The following CNTN3 variants were observed in gnomAD, a reference collection of about 807,000 sequenced individuals.
The protein encoded by CNTN3 is contactin 3.
A neutral mutation model predicts 119.1 loss-of-function variants in CNTN3; 60 were observed. The ratio of observed to expected loss-of-function variants is 0.50; its 90% CI spans 0.41 to 0.62. The LOEUF (loss-of-function observed/expected upper bound fraction) is 0.62. Among genes scored for constraint, CNTN3 ranks in the 20% least tolerant of loss-of-function variants. The probability of loss-of-function intolerance (pLI) is 0.00; values close to 1 mark genes in which losing one functional copy is unlikely to be tolerated. For missense variants in CNTN3, 1,101 were observed against 1,242.4 expected, an observed-to-expected ratio of 0.89 and a Z score of 1.71; for synonymous variants, 450 against 438.7, an observed-to-expected ratio of 1.03 and a Z score of -0.32.
chr3:74,485,024 A>G (rs1379335960), intron 4 of CNTN3, among the ~76,000 whole-genome samples: 2 of 152,204 alleles, frequency 1.3e-5, no homozygotes, highest in African/African-American at 4.8e-5. Flanking sequence ...CAGTAATGCC[A>G]GGTAAAACAT....
chr3:74,287,065 T>A (rs1559682128), intron 19 of CNTN3, among the ~76,000 whole-genome samples: 2 of 152,214 alleles, frequency 1.3e-5, no homozygotes, highest in Non-Finnish European at 2.9e-5. Context: ...TTGAATGACC[T>A]GAACATAGTT....
intron 5 of CNTN3, among the ~76,000 whole-genome samples, chr3:74,418,788 T>A (rs752307875): frequency 6.6e-6 from 1 of 151,706 alleles, no homozygotes; most frequent in Non-Finnish European, 1.5e-5. Flanking sequence ...ATTTTAAATT[T>A]TTTTTATCTT....
intron 4 of CNTN3, among the ~76,000 whole-genome samples, chr3:74,477,337 A>AT (rs1183664550): frequency 6.6e-6 from 1 of 152,134 alleles, no homozygotes; most frequent in African/African-American, 2.4e-5. Flanking sequence ...CTAAAAAATT[A>AT]TTTTTTGGCA....
chr3:74,578,718 G>A (rs1331243132), intron 1 of CNTN3, among the ~76,000 whole-genome samples: 1 of 152,110 alleles, frequency 6.6e-6, no homozygotes, highest in South Asian at 2.1e-4. Flanking sequence ...AGTCTTAAAA[G>A]CTTTACTAGC....
intron 13 of CNTN3, among the ~76,000 whole-genome samples, chr3:74,306,382 T>A (rs1373105306): frequency 6.6e-6 from 1 of 152,144 alleles, no homozygotes; most frequent in Non-Finnish European, 1.5e-5. Flanking sequence ...AACACAACAC[T>A]AACCATCTTT....
intron 1 of CNTN3, among the ~76,000 whole-genome samples, chr3:74,588,524 T>C (rs887444112): frequency 2.0e-5 from 3 of 151,972 alleles, no homozygotes; most frequent in Admixed American, 1.3e-4. Context: ...AAAATGGCCA[T>C]ACTGCCCAAG....
chr3:74,438,458 T>C (rs945178878), intron 4 of CNTN3, among the ~76,000 whole-genome samples: 4 of 152,260 alleles, frequency 2.6e-5, no homozygotes, highest in Non-Finnish European at 4.4e-5. Flanking sequence ...TCCCTTTCTC[T>C]AGGCAAAGAT....
chr3:74,455,572 T>C (rs1702252433), intron 4 of CNTN3, among the ~76,000 whole-genome samples: 1 of 152,014 alleles, frequency 6.6e-6, no homozygotes, highest in Non-Finnish European at 1.5e-5. Flanking sequence ...GGAGGAGAGG[T>C]GCTCTCCTTT....
chr3:74,604,788 T>C (rs1157159925), intron 1 of CNTN3, among the ~76,000 whole-genome samples: 1 of 152,106 alleles, frequency 6.6e-6, no homozygotes, highest in Non-Finnish European at 1.5e-5. Flanking sequence ...GAACTAGCAA[T>C]AGGAATACTG....
intron 5 of CNTN3, among the ~76,000 whole-genome samples, chr3:74,418,349 T>TTTTTTTTTTC (rs1553658012): frequency 6.4e-5 from 9 of 140,422 alleles, no homozygotes; most frequent in African/African-American, 2.4e-4. Flanking sequence ...TTCCTTTTTT[T>TTTTTTTTTTC]TTTTTTTTTT....
intron 13 of CNTN3, among the ~76,000 whole-genome samples, chr3:74,312,269 T>C (rs1322841983): frequency 1.3e-5 from 2 of 151,560 alleles, no homozygotes; most frequent in African/African-American, 4.9e-5. Flanking sequence ...CTGGCAAACA[T>C]GGTGAAACCA....
chr3:74,478,243 G>C (rs1702695186), intron 4 of CNTN3, among the ~76,000 whole-genome samples: 1 of 152,112 alleles, frequency 6.6e-6, no homozygotes, highest in African/African-American at 2.4e-5. Context: ...GCTTAGGACT[G>C]GGGGTAGCAG....
In CNTN3 at chr3:74,327,421, C is replaced by G. The variant is rs543244819; in HGVS notation, c.1668+7314G>C. Among the ~76,000 whole-genome samples, 7 of 152,146 alleles carry G rather than the reference C, an allele frequency of 4.6e-5. No individual in the cohort carries two copies. In the East Asian group the frequency reaches 1.2e-3, roughly 25 times the overall value. ...CGTATTACAGGCATGAGCCACCATGCCTGGAAGGGTTAATCTTTGAATATA... is the reference window on the plus strand; with the variant it reads ...CGTATTACAGGCATGAGCCACCATGGCTGGAAGGGTTAATCTTTGAATATA... On this transcript the variant is annotated intron_variant, in intron 13 of 22. Coordinates refer to ENST00000263665, the MANE Select transcript of CNTN3 (RefSeq NM_020872.3).
At chr3:74,451,524 T>A (rs1702155685) in intron 4 of CNTN3, among the ~76,000 whole-genome samples, 2 of 152,198 alleles carry the variant, frequency 1.3e-5, no homozygotes, top group Non-Finnish European at 2.9e-5. Context: ...TTTAATTAGA[T>A]CCCATTTGTC....
chr3:74,491,551 C>T (rs1044907561), intron 3 of CNTN3, among the ~76,000 whole-genome samples: 1 of 152,058 alleles, frequency 6.6e-6, no homozygotes, highest in Non-Finnish European at 1.5e-5. Flanking sequence ...AAGGGATACG[C>T]AGGTTCAGCT....
At chr3:74,270,890 C>A (rs1287504817) in intron 20 of CNTN3, among the ~76,000 whole-genome samples, 1 of 152,174 alleles carries the variant, frequency 6.6e-6, no homozygotes, top group East Asian at 1.9e-4. Context: ...TGGTAAAAAA[C>A]TAATCCTAGT....
chr3:74,376,462 G>A (rs1704477998), intron 5 of CNTN3, among the ~76,000 whole-genome samples: 1 of 152,162 alleles, frequency 6.6e-6, no homozygotes, highest in African/African-American at 2.4e-5. Flanking sequence ...GAACATGTGA[G>A]GGATCTAGGT....
chr3:74,470,539 G>A (rs1370904310), intron 4 of CNTN3, among the ~76,000 whole-genome samples: 4 of 152,006 alleles, frequency 2.6e-5, no homozygotes, highest in Non-Finnish European at 4.4e-5. Context: ...CCTGGGCCCG[G>A]CTCCCTAAGT....
intron 13 of CNTN3, among the ~76,000 whole-genome samples, chr3:74,314,040 T>C (rs1230311837): frequency 6.6e-6 from 1 of 152,230 alleles, no homozygotes; most frequent in Admixed American, 6.5e-5. Flanking sequence ...ACCCCATTCA[T>C]GAGGGCTTTA....
Sources: allele counts gnomAD v4.1 joint callset (sites outside exome capture counted in the v4.1 genomes callset), GRCh38; gene constraint gnomAD v4.1.1; transcripts MANE v1.5; gene names NCBI Gene and HGNC (gene_info 2026-07-23, HGNC 2026-07-21).